SPMIP2: variants seen among roughly 807,000 people sequenced by gnomAD.
SPMIP2 encodes protein SPMIP2.
the SPMIP2 span, chr4:158,904,640 A>C: frequency 9.3e-7 from 1 of 1,070,710 alleles, no homozygotes; most frequent in Non-Finnish European, 1.4e-6. Flanking sequence ...AAAGCATGAG[A>C]AGAGCAAACA....
the SPMIP2 span, among the ~76,000 whole-genome samples, chr4:158,968,603 C>T: frequency 6.6e-6 from 1 of 152,174 alleles, no homozygotes; most frequent in African/African-American, 2.4e-5. Context: ...TTTCACACGG[C>T]CTGGGATGAA....
the SPMIP2 span, among the ~76,000 whole-genome samples, chr4:158,914,533 C>T: frequency 6.6e-6 from 1 of 152,186 alleles, no homozygotes; most frequent in African/African-American, 2.4e-5. Flanking sequence ...CTGTCAAACT[C>T]TATTGAAAAA....
chr4:159,082,449 CTGTGTGTGTGTGTGTGTGTGTG>C, the SPMIP2 span, among the ~76,000 whole-genome samples: 1 of 111,604 alleles, frequency 9.0e-6, no homozygotes, highest in South Asian at 3.0e-4. Context: ...CCACTTTTCT[CTGTGTGTGTGTGTGTGTGTGTG>C]TGTGTGTGTG....
At chr4:159,063,853 C>T in the SPMIP2 span, among the ~76,000 whole-genome samples, 2 of 152,080 alleles carry the variant, frequency 1.3e-5, no homozygotes, top group African/African-American at 4.8e-5. Context: ...GATTAATGTT[C>T]AGTGGCTCAT....
At chr4:159,073,255 G>A in the SPMIP2 span, among the ~76,000 whole-genome samples, 5 of 152,184 alleles carry the variant, frequency 3.3e-5, no homozygotes, top group Non-Finnish European at 5.9e-5. Context: ...CCAGGCTCAA[G>A]TGATGCTTCC....
chr4:159,057,073 T>G, the SPMIP2 span, among the ~76,000 whole-genome samples: 1 of 152,204 alleles, frequency 6.6e-6, no homozygotes, highest in Non-Finnish European at 1.5e-5. Context: ...TTCTATTGCC[T>G]TAGACCCCGG....
the SPMIP2 span, among the ~76,000 whole-genome samples, chr4:158,931,689 A>G: frequency 0.069 from 10,515 of 151,958 alleles, 429 homozygotes; most frequent in Admixed American, 0.15. Context: ...CAGTCTCCCA[A>G]GTAGCTGAGA....
chr4:158,919,575 T>G, the SPMIP2 span, among the ~76,000 whole-genome samples: 2 of 152,236 alleles, frequency 1.3e-5, no homozygotes, highest in South Asian at 4.1e-4. Flanking sequence ...TTGCTTAAAA[T>G]GCTACCTACC....
the SPMIP2 span, among the ~76,000 whole-genome samples, chr4:159,017,991 C>T: frequency 2.0e-4 from 30 of 152,192 alleles, no homozygotes; most frequent in Non-Finnish European, 3.5e-4. Context: ...AGTCAGCGGG[C>T]TTTAAACTTG....
At chr4:158,895,626 G>T in the SPMIP2 span, 1 of 631,408 alleles carries the variant, frequency 1.6e-6, no homozygotes, top group Admixed American at 2.6e-5. Context: ...GATTTTTTAA[G>T]TGTATTTGAA....
the SPMIP2 span, among the ~76,000 whole-genome samples, chr4:158,986,974 C>T: frequency 9.8e-5 from 14 of 142,160 alleles, no homozygotes; most frequent in African/African-American, 2.9e-4. Flanking sequence ...GGGCGAAGGA[C>T]ATGAACAGAC....
the SPMIP2 span, among the ~76,000 whole-genome samples, chr4:158,966,008 G>T: frequency 1.3e-5 from 2 of 152,134 alleles, no homozygotes; most frequent in Admixed American, 6.5e-5. Context: ...TGCAATTACT[G>T]ACAATAATCA....
chr4:158,947,634 ATT>A, the SPMIP2 span, among the ~76,000 whole-genome samples: 4 of 152,244 alleles, frequency 2.6e-5, no homozygotes, highest in Non-Finnish European at 5.9e-5. Flanking sequence ...TAAAATTCAT[ATT>A]GTTAGCTAAA....
chr4:158,942,940 G>A, the SPMIP2 span, among the ~76,000 whole-genome samples: 229 of 152,208 alleles, frequency 1.5e-3, 1 homozygote, highest in African/African-American at 5.0e-3. Context: ...CAGGAATTAC[G>A]TTTTATTTTC....
chr4:158,947,580 G>A, the SPMIP2 span, among the ~76,000 whole-genome samples: 1 of 152,136 alleles, frequency 6.6e-6, no homozygotes, highest in Non-Finnish European at 1.5e-5. Flanking sequence ...TTCTCCCATA[G>A]TAAGTTGATA....
chr4:158,964,534 T>C, the SPMIP2 span, among the ~76,000 whole-genome samples: 1 of 152,190 alleles, frequency 6.6e-6, no homozygotes, highest in African/African-American at 2.4e-5. Flanking sequence ...ATATACCCAT[T>C]TCATAGATCG....
chr4:158,998,710 G>T, the SPMIP2 span, among the ~76,000 whole-genome samples: 2 of 152,098 alleles, frequency 1.3e-5, no homozygotes, highest in South Asian at 2.1e-4. Context: ...TAAGAATCGC[G>T]CCGGTTTTAC....
the SPMIP2 span, chr4:159,034,949 T>C: frequency 1.0e-6 from 1 of 975,266 alleles, no homozygotes; most frequent in Non-Finnish European, 1.6e-6. Context: ...ATTGCATTGT[T>C]ATATCCATTA....
the SPMIP2 span, among the ~76,000 whole-genome samples, chr4:158,997,980 A>G: frequency 6.6e-6 from 1 of 152,166 alleles, no homozygotes. Flanking sequence ...TCTTTGATCT[A>G]GAGCAGAGGT....
Sources: allele counts gnomAD v4.1 joint callset (sites outside exome capture counted in the v4.1 genomes callset), GRCh38; gene constraint gnomAD v4.1.1; transcripts MANE v1.5; gene names NCBI Gene and HGNC (gene_info 2026-07-23, HGNC 2026-07-21).